TEKT5: variants seen among roughly 807,000 people sequenced by gnomAD.
TEKT5 encodes tektin-5.
In TEKT5, 52 loss-of-function variants were observed where a neutral mutation model predicts 48.7. The observed-to-expected ratio is 1.07, with a 90% CI of 0.86 to 1.35. The LOEUF is 1.35. TEKT5 is among the 40% of genes most tolerant of loss of function. TEKT5 has a pLI of 0.00. For missense variants in TEKT5, 831 were observed against 641.6 expected (o/e 1.30, Z -3.19); for synonymous variants, 318 against 267.6 (o/e 1.19, Z -1.84).
At chr16:10,648,879 C>T (rs912222135) in intron 5 of TEKT5, among the ~76,000 whole-genome samples, 3 of 152,218 alleles carry the variant, frequency 2.0e-5, no homozygotes, top group Admixed American at 6.5e-5. Context: ...TTTCTAGCTA[C>T]CCTCTGCTTA....
chr16:10,627,911 C>A (rs1897778444), intron 6 of TEKT5, 112 bp from the exon 7 acceptor site: 1 of 963,620 alleles, frequency 1.0e-6, no homozygotes, highest in Non-Finnish European at 1.5e-6. Flanking sequence ...GGCACAATCT[C>A]GGCTCACTGC....
At position 10,673,224 on chromosome 16, in the gene TEKT5, C is replaced by T. The variant is rs143502200; in HGVS notation, c.1086+2735G>A. Reference sequence around the variant, plus strand: ...GTTTAGGAAGGATTCCTGGAGGAAGCGACTTTTGAGCTAAGTTCCAGAGCA... The same window carrying T: ...GTTTAGGAAGGATTCCTGGAGGAAGTGACTTTTGAGCTAAGTTCCAGAGCA... On this transcript the variant is annotated intron_variant, in intron 5 of 6. Transcript: ENST00000283025. Among the ~76,000 whole-genome samples the T allele has an allele frequency of 2.5e-3, 374 of 152,234 alleles. 1 individual carries two copies. Among genetic ancestry groups the T allele is most frequent in the Non-Finnish European group, 3.9e-3 (267 of 68,012 alleles).
chr16:10,635,769 C>A lies in TEKT5; in HGVS notation c.1236G>T (p.Gln412His). 6.2e-7 allele frequency: 1 copy of A among 1,611,900 alleles called. No homozygotes were observed. Among genetic ancestry groups the A allele is most frequent in the Non-Finnish European group, 8.5e-7 (1 of 1,178,368 alleles). The change falls in exon 6 of 7, where the codon CAG (glutamine) becomes CAT (histidine). Residue 412 changes from glutamine (Q) to histidine (H), a missense_variant. Gln to His is a conservative substitution (Grantham distance 24, BLOSUM62 0). Transcript: ENST00000283025. ...CTCTGGCCTCCCTCACTTACTTCAA[C>A]TGCGGGATGTCCCTGCACAGCTCCA... ...PNMELCRDIP[Q>H]LKLVNEVFTI... is the part of the protein sequence containing the mutation.
chr16:10,646,759 C>A (rs549160914), intron 5 of TEKT5, among the ~76,000 whole-genome samples: 47 of 152,316 alleles, frequency 3.1e-4, no homozygotes, highest in African/African-American at 1.1e-3. Flanking sequence ...GGAGGCCCAG[C>A]CTCCTCCAGA....
intron 5 of TEKT5, among the ~76,000 whole-genome samples, chr16:10,666,702 A>G (rs1898463762): frequency 6.6e-6 from 1 of 152,208 alleles, no homozygotes; most frequent in South Asian, 2.1e-4. Flanking sequence ...GGATCACCTT[A>G]TGAAGCCAGG....
At chr16:10,671,860 G>C (rs1177442795) in intron 5 of TEKT5, 1 of 152,116 alleles carries the variant, frequency 6.6e-6, no homozygotes, top group Admixed American at 6.6e-5. Context: ...TCACTATCAC[G>C]AGAAAAGCAC....
At chr16:10,675,053 T>C (rs1898620241) in intron 5 of TEKT5, among the ~76,000 whole-genome samples, 1 of 152,104 alleles carries the variant, frequency 6.6e-6, no homozygotes, top group Non-Finnish European at 1.5e-5. Context: ...CTCAAATTCC[T>C]GGCCTCAAAT....
At chr16:10,640,727 T>TGTG (rs1175826122) in intron 5 of TEKT5, among the ~76,000 whole-genome samples, 3,411 of 152,016 alleles carry the variant, frequency 0.022, 131 homozygotes, top group African/African-American at 0.079. Context: ...ATATATATAT[T>TGTG]TGTTTTTGGA....
At chr16:10,635,169 A>C (rs1417542602) in intron 6 of TEKT5, among the ~76,000 whole-genome samples, 1 of 139,366 alleles carries the variant, frequency 7.2e-6, no homozygotes, top group Non-Finnish European at 1.6e-5. Context: ...ATCCTATTAC[A>C]ATCCCCACCC....
intron 1 of TEKT5, among the ~76,000 whole-genome samples, chr16:10,692,210 G>T (rs1898992537): frequency 6.6e-6 from 1 of 152,176 alleles, no homozygotes; most frequent in African/African-American, 2.4e-5. Flanking sequence ...GGGGGAGTGA[G>T]AAGAGAATGG....
At chr16:10,672,454 G>A (rs759382032) in intron 5 of TEKT5, among the ~76,000 whole-genome samples, 15 of 152,102 alleles carry the variant, frequency 9.9e-5, no homozygotes, top group Non-Finnish European at 2.1e-4. Flanking sequence ...TAGCTGGGGC[G>A]TGATGGCGGG....
At chr16:10,669,938 C>T (rs1428476061) in intron 5 of TEKT5, among the ~76,000 whole-genome samples, 1 of 152,172 alleles carries the variant, frequency 6.6e-6, no homozygotes, top group Non-Finnish European at 1.5e-5. Flanking sequence ...CACAGTGATA[C>T]CTGGAGCCTC....
intron 4 of TEKT5, among the ~76,000 whole-genome samples, chr16:10,677,898 G>C (rs539327044): frequency 2.6e-5 from 4 of 152,266 alleles, no homozygotes; most frequent in Non-Finnish European, 5.9e-5. Context: ...CTCACAGCGT[G>C]GTAGCTGGAG....
chr16:10,687,122 T>G (rs1314812748), intron 3 of TEKT5, among the ~76,000 whole-genome samples: 1 of 152,102 alleles, frequency 6.6e-6, no homozygotes, highest in Admixed American at 6.6e-5. Context: ...GGGTACAAAT[T>G]TCAGTTCGTC....
At chr16:10,685,855 C>G (rs1305870272) in intron 3 of TEKT5, among the ~76,000 whole-genome samples, 2 of 152,158 alleles carry the variant, frequency 1.3e-5, no homozygotes, top group Non-Finnish European at 2.9e-5. Flanking sequence ...CAGATCCCCC[C>G]ACCTCTGGTT....
intron 3 of TEKT5, among the ~76,000 whole-genome samples, chr16:10,688,114 G>A (rs1455261069): frequency 6.6e-6 from 1 of 152,188 alleles, no homozygotes; most frequent in East Asian, 1.9e-4. Context: ...TAGTCCCGGT[G>A]ATAGGTGGAA....
At chr16:10,643,543 G>A (rs1479820173) in intron 5 of TEKT5, among the ~76,000 whole-genome samples, 1 of 152,166 alleles carries the variant, frequency 6.6e-6, no homozygotes. Context: ...GCCACATATG[G>A]CTGTTAAGCC....
intron 5 of TEKT5, among the ~76,000 whole-genome samples, chr16:10,660,868 T>C (rs1898358277): frequency 6.6e-6 from 1 of 152,062 alleles, no homozygotes; most frequent in Non-Finnish European, 1.5e-5. Context: ...GCACGGCTAA[T>C]TTTTGTATTT....
In TEKT5 at chr16:10,644,977, A is replaced by G. The variant is rs1395215890; in HGVS notation, c.1087-9059T>C. Among the ~76,000 whole-genome samples the G allele has an allele frequency of 2.0e-5, 3 of 152,306 alleles. No homozygotes were observed. In the East Asian group the frequency reaches 5.8e-4, roughly 29 times the overall value. On this transcript the variant is annotated intron_variant, in intron 5 of 6. Transcript: ENST00000283025. Reference sequence around the variant, plus strand: ...ATTAGTGCCTTTATAAGAAGAGGCTACTTTACTCTCTTTCTGCCAGGTGAA... The same window carrying G: ...ATTAGTGCCTTTATAAGAAGAGGCTGCTTTACTCTCTTTCTGCCAGGTGAA...
Sources: gnomAD v4.1 joint callset for allele counts (sites outside exome capture counted in the v4.1 genomes callset) on GRCh38, gnomAD v4.1.1 for gene constraint, MANE v1.5 for transcripts, NCBI Gene and HGNC (gene_info 2026-07-23, HGNC 2026-07-21) for gene names.